GRIK3: variants seen among roughly 807,000 people sequenced by gnomAD.
The protein encoded by GRIK3 is glutamate ionotropic receptor kainate type subunit 3, also known as glutamate receptor ionotropic, kainate 3.
A neutral mutation model predicts 102.5 loss-of-function variants in GRIK3; 29 were observed. The observed-to-expected ratio is 0.28, with a 90% CI of 0.21 to 0.39. The LOEUF (loss-of-function observed/expected upper bound fraction) is 0.39, where lower values mean the gene tolerates loss of function less well. Ranked by LOEUF, GRIK3 falls within the 10% of genes least tolerant of loss-of-function variation. The probability of loss-of-function intolerance (pLI) is 1.00; values close to 1 mark genes in which losing one functional copy is unlikely to be tolerated. For missense variants in GRIK3, 908 were observed against 1,252.4 expected (o/e 0.73, Z 4.15); for synonymous variants, 511 against 504.9 (o/e 1.01, Z -0.16).
At chr1:36,818,748 T>C (rs757333015) in intron 12 of GRIK3, among the ~76,000 whole-genome samples, 2 of 152,250 alleles carry the variant, frequency 1.3e-5, no homozygotes, top group Non-Finnish European at 2.9e-5. Flanking sequence ...GGATATCTAC[T>C]GAGGACCAGG....
At chr1:36,996,764 TAAG>T (rs1044330149) in intron 1 of GRIK3, among the ~76,000 whole-genome samples, 1 of 152,158 alleles carries the variant, frequency 6.6e-6, no homozygotes, top group Admixed American at 6.5e-5. Flanking sequence ...TGTGGAGGGA[TAAG>T]AATGAGCTTC....
At chr1:36,808,341 C>T (rs1390235340) in intron 13 of GRIK3, among the ~76,000 whole-genome samples, 1 of 152,264 alleles carries the variant, frequency 6.6e-6, no homozygotes, top group African/African-American at 2.4e-5. Context: ...GTGTAATCCC[C>T]TCTTCTTGAA....
chr1:37,015,433 A>C (rs565986937), intron 1 of GRIK3, among the ~76,000 whole-genome samples: 13 of 152,334 alleles, frequency 8.5e-5, no homozygotes, highest in Admixed American at 2.0e-4. Context: ...TCCCACTGCC[A>C]CCTGGCTCCA....
At chr1:36,843,175 C>A (rs1640480368) in intron 9 of GRIK3, among the ~76,000 whole-genome samples, 1 of 152,160 alleles carries the variant, frequency 6.6e-6, no homozygotes, top group Non-Finnish European at 1.5e-5. Flanking sequence ...TTCATCCAGT[C>A]GAGATATGCA....
chr1:36,837,027 C>A (rs368672758), intron 10 of GRIK3, among the ~76,000 whole-genome samples: 5 of 152,036 alleles, frequency 3.3e-5, no homozygotes, highest in African/African-American at 1.2e-4. Context: ...TCCTTCACCC[C>A]ATGCTCTCCT....
In GRIK3 at chr1:36,872,076, G is replaced by C; in HGVS notation, c.732+112C>G. The C allele has an allele frequency of 9.8e-7, 1 of 1,019,028 alleles. No individual in the cohort carries two copies. The highest frequency in any genetic ancestry group is 1.4e-6 in the Non-Finnish European group (1 of 711,366). 63.1% of individuals were successfully genotyped at this position (1,019,028 alleles called of 1,614,324 possible). A position where few individuals can be genotyped will look rare whatever the true frequency, so the allele number is the denominator to read the frequency against. ...GGTCACACAGCAGGAAAGTGGCAGA[G>C]CTAGGAGTCAAACTTAGATCTGGCA... On this transcript the variant is annotated intron_variant, in intron 4 of 15. Coordinates refer to ENST00000373091, the MANE Select transcript of GRIK3 (RefSeq NM_000831.4). The surrounding 1 kb of genome is among the most constrained non-coding windows in gnomAD (Gnocchi z 5.9).
intron 1 of GRIK3, among the ~76,000 whole-genome samples, chr1:36,905,939 C>T (rs909454755): frequency 2.6e-5 from 4 of 152,202 alleles, no homozygotes; most frequent in African/African-American, 9.7e-5. Flanking sequence ...GCCTCTCAGA[C>T]CTTGGCAGGT....
At chr1:36,864,841 A>AC (rs751431043) in intron 5 of GRIK3, among the ~76,000 whole-genome samples, 1 of 134,400 alleles carries the variant, frequency 7.4e-6, no homozygotes, top group African/African-American at 2.7e-5. Flanking sequence ...GTCCAGCTCC[A>AC]TTTTTTTTTT....
At chr1:36,972,870 C>T (rs1642158996) in intron 1 of GRIK3, among the ~76,000 whole-genome samples, 1 of 152,132 alleles carries the variant, frequency 6.6e-6, no homozygotes, top group East Asian at 1.9e-4. Flanking sequence ...AAGGATGGGG[C>T]AGAACATCTG....
rs1405516202 is a variant in GRIK3, at chr1:36,891,016, T to C, written c.196A>G (p.Ile66Val). 2 of 1,613,940 alleles carry C rather than the reference T, an allele frequency of 1.2e-6. No homozygotes were observed. The highest frequency in any genetic ancestry group is 1.7e-5 in the Admixed American group (1 of 60,004). ...AGCAGAGTCCTGTTCCTGTTGATGATGTTGGCAGAAAATCGAAAGGCATGC... is the reference window on the plus strand; with the variant it reads ...AGCAGAGTCCTGTTCCTGTTGATGACGTTGGCAGAAAATCGAAAGGCATGC... ...EEHAFRFSAN[I>V]INRNRTLLPN... is the part of the protein sequence containing the mutation. Residue 66 changes from isoleucine (I) to valine (V), a missense_variant, in exon 2 of 16, where the codon ATC becomes GTC. Around this residue, in one of 3 missense-constraint regions of GRIK3, gnomAD observed 585 missense variants for 824.9 expected, o/e 0.71. Coordinates refer to ENST00000373091, the MANE Select transcript of GRIK3 (RefSeq NM_000831.4).
At chr1:37,004,241 C>G (rs1642508658) in intron 1 of GRIK3, among the ~76,000 whole-genome samples, 1 of 152,224 alleles carries the variant, frequency 6.6e-6, no homozygotes, top group African/African-American at 2.4e-5. Flanking sequence ...AGCCACAGCA[C>G]CTTCTCTGAG....
At position 36,860,831 on chromosome 1, in the gene GRIK3, G is replaced by A. The variant is rs547442150; in HGVS notation, c.787-814C>T. On this transcript the variant is annotated intron_variant, in intron 5 of 15. Transcript: ENST00000373091. The stretch of plus-strand genomic sequence containing the variant: ...TGAGCTCTGTCCTGTTGAAAACCAC[G>A]CAAACCTGGAAATCAGGCAGAAGGG... 1.6e-4 allele frequency among the ~76,000 whole-genome samples: 25 copies of A among 152,304 alleles called. No individual in the cohort carries two copies. The South Asian group carries it at 1.9e-3, about 11-fold the overall frequency.
intron 1 of GRIK3, among the ~76,000 whole-genome samples, chr1:37,026,934 A>G (rs958625215): frequency 1.3e-5 from 2 of 152,092 alleles, no homozygotes; most frequent in Non-Finnish European, 2.9e-5. Context: ...AATCAATGAA[A>G]TATATTATTG....
intron 3 of GRIK3, among the ~76,000 whole-genome samples, chr1:36,876,991 C>T (rs1481950120): frequency 2.6e-5 from 4 of 152,180 alleles, no homozygotes; most frequent in Admixed American, 1.3e-4. Context: ...TGTTGCTATC[C>T]TATCTCCTTT....
rs1206638071 is a variant in GRIK3, at chr1:36,872,730, G to A, written c.551-361C>T. On this transcript the variant is annotated intron_variant, in intron 3 of 15. Transcript: ENST00000373091. The surrounding 1 kb of genome is among the most constrained non-coding windows in gnomAD (Gnocchi z 5.9). ...AAATTCCCACTGACCACACCCATCT[G>A]CTTCTCTCTAACCCAGAATGGGTGT... Among the ~76,000 whole-genome samples, 1 of 152,200 alleles carries A rather than the reference G, an allele frequency of 6.6e-6. No homozygotes were observed. Among genetic ancestry groups the A allele is most frequent in the Non-Finnish European group, 1.5e-5 (1 of 68,028 alleles).
At chr1:36,988,569 G>C (rs762452029) in intron 1 of GRIK3, among the ~76,000 whole-genome samples, 51 of 152,266 alleles carry the variant, frequency 3.3e-4, no homozygotes, top group Middle Eastern at 3.2e-3. Flanking sequence ...CAGAGTTCCT[G>C]TAAGTGAAGA....
chr1:36,858,130 C>T lies in GRIK3; in HGVS notation c.1104+978G>A, dbSNP rs1264239240. On this transcript the variant is annotated intron_variant, in intron 7 of 15. Coordinates refer to ENST00000373091, the MANE Select transcript of GRIK3 (RefSeq NM_000831.4). ...GGTGTTGCCTTGGACATGGTCACTCCCTCTGGCCCAGGATGACTCTGCCTA... is the reference window on the plus strand; with the variant it reads ...GGTGTTGCCTTGGACATGGTCACTCTCTCTGGCCCAGGATGACTCTGCCTA... Among the ~76,000 whole-genome samples, 3 of 152,206 alleles carry T rather than the reference C, an allele frequency of 2.0e-5. No individual in the cohort carries two copies. In the East Asian group the frequency reaches 5.8e-4, roughly 29 times the overall value.
chr1:37,009,439 G>C (rs1266758124), intron 1 of GRIK3, among the ~76,000 whole-genome samples: 1 of 152,228 alleles, frequency 6.6e-6, no homozygotes, highest in African/African-American at 2.4e-5. Flanking sequence ...GCTAGGCTCT[G>C]GCAGCCTCTC....
chr1:36,904,027 G>A (rs1489546059), intron 1 of GRIK3, among the ~76,000 whole-genome samples: 2 of 152,130 alleles, frequency 1.3e-5, no homozygotes, highest in African/African-American at 4.8e-5. Context: ...CCTCTCTGGT[G>A]GCAGATGTTG....
Sources: gnomAD v4.1 joint callset for allele counts (sites outside exome capture counted in the v4.1 genomes callset) on GRCh38, gnomAD v4.1.1 for gene constraint, gnomAD v4.1.1 regional missense constraint, Gnocchi (gnomAD v3.1) non-coding constraint, MANE v1.5 for transcripts, NCBI Gene and HGNC (gene_info 2026-07-23, HGNC 2026-07-21) for gene names.